Variants in USP9X observed in about 807,000 individuals in gnomAD.
The protein encoded by USP9X is ubiquitin carboxyl-terminal hydrolase 9X.
USP9X carries 7 observed loss-of-function variants against 190.3 expected under a neutral mutation model. The ratio of observed to expected loss-of-function variants is 0.04; its 90% CI spans 0.02 to 0.07. The LOEUF (loss-of-function observed/expected upper bound fraction) is 0.07, where lower values mean the gene tolerates loss of function less well. Ranked by LOEUF, USP9X falls within the 10% of genes least tolerant of loss-of-function variation. The pLI is 1.00. For missense variants in USP9X, 1,010 were observed against 1,916.9 expected, an observed-to-expected ratio of 0.53 and a Z score of 8.83; for synonymous variants, 645 against 659.5, an observed-to-expected ratio of 0.98 and a Z score of 0.34.
chrX:41,232,269 A>G (rs1370057177), intron 44 of USP9X, 118 bp from the exon 45 acceptor site: 19 of 811,428 alleles, frequency 2.3e-5, no homozygotes, highest in Non-Finnish European at 3.0e-5. Context: ...GTCCAAGGGT[A>G]TTTACAGAGT....
intron 1 of USP9X, among the ~76,000 whole-genome samples, chrX:41,111,087 C>T (rs2062105283): frequency 9.0e-6 from 1 of 111,429 alleles, no homozygotes; most frequent in Non-Finnish European, 1.9e-5. Flanking sequence ...ATAGACTGAA[C>T]GTTTGTCTCC....
Position 41,215,597 on chromosome X carries a change from T to G in USP9X, c.5332-302T>G, listed in dbSNP as rs148999210. On this transcript the variant is annotated intron_variant, in intron 34 of 44. Transcript: ENST00000378308. ...CAAATATTAGCTACTCTTATTGTTA[T>G]TGTAGTTCTTTGGTTTGTGCATAGG... Among the ~76,000 whole-genome samples the G allele has an allele frequency of 7.1e-3, 804 of 112,870 alleles. 6 individuals are homozygous for G. Among genetic ancestry groups the G allele is most frequent in the African/African-American group, 0.023 (719 of 31,152 alleles).
intron 3 of USP9X, among the ~76,000 whole-genome samples, chrX:41,130,845 C>A (rs968986517): frequency 2.7e-5 from 3 of 110,914 alleles, no homozygotes; most frequent in Non-Finnish European, 5.7e-5. Flanking sequence ...CCTGCCTCAG[C>A]CTCCCGAGTA....
chrX:41,162,088 G>A (rs1471455214), intron 14 of USP9X, among the ~76,000 whole-genome samples: 1 of 111,711 alleles, frequency 9.0e-6, no homozygotes, highest in Non-Finnish European at 1.9e-5. Flanking sequence ...CAGACATTAT[G>A]AATGTCCCAT....
intron 41 of USP9X, among the ~76,000 whole-genome samples, chrX:41,226,634 C>T (rs1415599396): frequency 8.9e-6 from 1 of 112,016 alleles, no homozygotes; most frequent in Non-Finnish European, 1.9e-5. Context: ...TAATAGATTT[C>T]AAACAAATAC....
At chrX:41,157,001 C>T (rs949130427) in intron 14 of USP9X, among the ~76,000 whole-genome samples, 1 of 111,783 alleles carries the variant, frequency 8.9e-6, no homozygotes, top group Non-Finnish European at 1.9e-5. Context: ...AGGAATGCTA[C>T]GTGTATGCAT....
chrX:41,113,685 G>A (rs1200182483), intron 1 of USP9X, among the ~76,000 whole-genome samples: 1 of 110,936 alleles, frequency 9.0e-6, no homozygotes, highest in Non-Finnish European at 1.9e-5. Flanking sequence ...CACTTTCACT[G>A]CAGATTTTTT....
chrX:41,092,321 C>T (rs1025360348), intron 1 of USP9X, among the ~76,000 whole-genome samples: 1 of 111,634 alleles, frequency 9.0e-6, no homozygotes, highest in African/African-American at 3.3e-5. Flanking sequence ...CTGTTGGTTA[C>T]ATCTCTCATT....
intron 39 of USP9X, among the ~76,000 whole-genome samples, chrX:41,223,618 G>A (rs28442102): frequency 9.0e-6 from 1 of 111,018 alleles, no homozygotes; most frequent in Non-Finnish European, 1.9e-5. Flanking sequence ...TGTATTTTTA[G>A]CAGAGACGGG....
At chrX:41,220,285 A>G (rs1419730841) in intron 38 of USP9X, among the ~76,000 whole-genome samples, 2 of 112,441 alleles carry the variant, frequency 1.8e-5, no homozygotes, top group African/African-American at 3.2e-5. Context: ...GACATTCAGA[A>G]GAATCCTATT....
chrX:41,181,972 T>C (rs1420096793), intron 21 of USP9X, among the ~76,000 whole-genome samples: 1 of 111,910 alleles, frequency 8.9e-6, no homozygotes. Context: ...AAATGTAACA[T>C]GATATAATCA....
chrX:41,188,206 A>T, intron 25 of USP9X, 89 bp downstream of exon 25: 2 of 920,447 alleles, frequency 2.2e-6, no homozygotes, highest in East Asian at 6.7e-5. Context: ...TGCTATTTTT[A>T]AAAATTGAAT....
At chrX:41,103,034 TC>T (rs1001569746) in intron 1 of USP9X, among the ~76,000 whole-genome samples, 1 of 112,476 alleles carries the variant, frequency 8.9e-6, no homozygotes, top group African/African-American at 3.2e-5. Flanking sequence ...CCTCAGGTGA[TC>T]CGCCTGCCTT....
Position 41,100,700 on chromosome X carries a change from G to A in USP9X, c.-159+14591G>A, listed in dbSNP as rs1012627648. Among the ~76,000 whole-genome samples the A allele has an allele frequency of 2.7e-5, 3 of 111,114 alleles. No homozygotes were observed. In the East Asian group the frequency reaches 8.4e-4, roughly 31 times the overall value. The stretch of plus-strand genomic sequence containing the variant: ...TTGCTCTTGTCACCTGAGCTGGAGT[G>A]CAATGGCGTGATCTCAGCTCACTGC... On this transcript the variant is annotated intron_variant, in intron 1 of 44. Coordinates refer to ENST00000378308, the MANE Select transcript of USP9X (RefSeq NM_001039591.3).
intron 4 of USP9X, 105 bp downstream of exon 4, chrX:41,131,641 C>T (rs1345836916): frequency 6.1e-6 from 4 of 657,743 alleles, no homozygotes; most frequent in Non-Finnish European, 8.9e-6. Context: ...ATCATAAACA[C>T]ATACTGCAGC....
intron 1 of USP9X, among the ~76,000 whole-genome samples, chrX:41,117,617 G>C (rs187833704): frequency 5.0e-4 from 36 of 71,381 alleles, no homozygotes; most frequent in African/African-American, 2.1e-3. Flanking sequence ...TTGCTCTGTT[G>C]CCCAGGCTGG....
intron 19 of USP9X, 51 bp from the exon 20 acceptor site, chrX:41,170,419 G>T (rs1440055900): frequency 8.5e-7 from 1 of 1,176,872 alleles, no homozygotes; most frequent in African/African-American, 1.8e-5. Context: ...TTTGTGTTTT[G>T]TGTAAGTATT....
chrX:41,087,386 G>T (rs1042833109), intron 1 of USP9X, among the ~76,000 whole-genome samples: 1 of 112,215 alleles, frequency 8.9e-6, no homozygotes, highest in Non-Finnish European at 1.9e-5. Flanking sequence ...ACCATGACTA[G>T]CTTGGCTGGT....
At chrX:41,187,930 T>C (rs2062896377) in intron 24 of USP9X, 62 bp from the exon 25 acceptor site, 1 of 1,126,478 alleles carries the variant, frequency 8.9e-7, no homozygotes, top group South Asian at 2.2e-5. Flanking sequence ...AACATTTTTG[T>C]TTTTCTAAAC....
Sources: gnomAD v4.1 joint callset for allele counts (sites outside exome capture counted in the v4.1 genomes callset) on GRCh38, gnomAD v4.1.1 for gene constraint, MANE v1.5 for transcripts, NCBI Gene and HGNC (gene_info 2026-07-23, HGNC 2026-07-21) for gene names.